MFN2: variants seen among roughly 807,000 people sequenced by gnomAD.
MFN2 encodes mitofusin 2.
A neutral mutation model predicts 87.5 loss-of-function variants in MFN2; 43 were observed. The observed-to-expected ratio is 0.49, with a 90% CI of 0.38 to 0.63. The LOEUF (loss-of-function observed/expected upper bound fraction) is 0.63. Ranked by LOEUF, MFN2 falls within the 30% of genes least tolerant of loss-of-function variation. MFN2 has a pLI of 0.00. For missense variants in MFN2, 743 were observed against 972.8 expected (o/e 0.76, Z 3.14); for synonymous variants, 337 against 359.9 (o/e 0.94, Z 0.72).
chr1:12,002,002 A>C lies in MFN2; in HGVS notation c.1059A>C (p.Ala353=). 1 of 1,614,152 alleles carries C rather than the reference A, an allele frequency of 6.2e-7. No homozygotes were observed. The highest frequency in any genetic ancestry group is 1.3e-5 in the African/African-American group (1 of 75,028). The change falls in exon 11 of 19, where the codon GCA becomes GCC. Residue 353 remains alanine (A), a synonymous_variant. Coordinates refer to ENST00000235329, the MANE Select transcript of MFN2 (RefSeq NM_014874.4). ...RRFEECISQS[A]VKTKFEQHTV... is the part of the protein sequence containing the mutation. ...TCCAGGAGTGCATCTCCCAGTCTGC[A>C]GTGAAGACCAAGTTTGAGCAGCACA...
At chr1:11,998,177 C>T (rs1470510647) in intron 6 of MFN2, among the ~76,000 whole-genome samples, 2 of 151,800 alleles carry the variant, frequency 1.3e-5, no homozygotes, top group African/African-American at 4.8e-5. Context: ...CCACTGTGCC[C>T]CGCCTGGTAT....
rs1272706609 is a variant in MFN2, at chr1:12,012,932, C to G, written c.*1367C>G. Reference sequence around the variant, plus strand: ...CAGGGGCCCAGCAGCCCAGCCATCACTCATCTTTGAGGAAATGAGTTGGTA... The same window carrying G: ...CAGGGGCCCAGCAGCCCAGCCATCAGTCATCTTTGAGGAAATGAGTTGGTA... On this transcript the variant is annotated 3_prime_UTR_variant, in exon 19 of 19. Coordinates refer to ENST00000235329, the MANE Select transcript of MFN2 (RefSeq NM_014874.4). 1 of 156,164 alleles carries G rather than the reference C, an allele frequency of 6.4e-6. No individual in the cohort carries two copies. Among genetic ancestry groups the G allele is most frequent in the East Asian group, 1.9e-4 (1 of 5,294 alleles). The allele number at this position is 156,164 out of a possible 1,614,324, so 9.7% of individuals were successfully genotyped here. A position where few individuals can be genotyped will look rare whatever the true frequency, so the allele number is the denominator to read the frequency against.
chr1:11,980,602 A>G (rs987537114), intron 1 of MFN2, 118 bp downstream of exon 1: 1 of 396,354 alleles, frequency 2.5e-6, no homozygotes, highest in Non-Finnish European at 4.4e-6. Context: ...GATGCAGTCA[A>G]GCGGGGTCCC....
At chr1:11,985,591 G>A (rs979585561) in intron 2 of MFN2, among the ~76,000 whole-genome samples, 1 of 151,282 alleles carries the variant, frequency 6.6e-6, no homozygotes. Context: ...CTTGGCCTCT[G>A]GAGTAGCTGG....
rs1639292680 is a variant in MFN2 at position 12,004,001 on chromosome 1, C to T, written c.1170C>T (p.Cys390=). The T allele has an allele frequency of 1.4e-5, 22 of 1,614,056 alleles. No individual in the cohort carries two copies. Among genetic ancestry groups the T allele is most frequent in the East Asian group, 2.2e-5 (1 of 44,900 alleles). Residue 390 remains cysteine (C), a synonymous_variant, in exon 12 of 19, where the codon TGC becomes TGT. Coordinates refer to ENST00000235329, the MANE Select transcript of MFN2 (RefSeq NM_014874.4). This position sits in a 1 kb window ranked among gnomAD's most constrained non-coding sequence, Gnocchi z 4.2. ...HMAAREQQVY[C]EEMREERQDR... is the part of the protein sequence containing the mutation. ...AGTACTCTGCTTTCAGGGTTTACTGCGAGGAAATGCGTGAAGAGCGGCAAG... is the reference window on the plus strand; with the variant it reads ...AGTACTCTGCTTTCAGGGTTTACTGTGAGGAAATGCGTGAAGAGCGGCAAG...
chr1:11,980,565 C>A, intron 1 of MFN2, 81 bp downstream of exon 1: 2 of 397,468 alleles, frequency 5.0e-6, no homozygotes, highest in Non-Finnish European at 4.4e-6. Flanking sequence ...CGTGGGCCGA[C>A]GGGATTCTGG....
At chr1:11,999,184 G>A (rs1639065762) in intron 8 of MFN2, 89 bp downstream of exon 8, 1 of 1,031,768 alleles carries the variant, frequency 9.7e-7, no homozygotes, top group Admixed American at 1.7e-5. Context: ...CCTGGATCTA[G>A]TGACTTCCCT....
rs776404901 is a variant in MFN2, at chr1:11,996,236, A to G, written c.392A>G (p.Asn131Ser). The change falls in exon 5 of 19, where the codon AAT becomes AGT. Residue 131 changes from asparagine to serine, a missense_variant. Transcript: ENST00000235329. ...CCCTCTGGGATTGGCCACACCACCA[A>G]TTGCTTCCTGCGGGTAGAGGGCACA... Reference protein sequence around the residue: ...VLPSGIGHTTNCFLRVEGTDG... With the variant: ...VLPSGIGHTTSCFLRVEGTDG... The G allele has an allele frequency of 1.9e-6, 3 of 1,614,186 alleles. No individual in the cohort carries two copies. Among genetic ancestry groups the G allele is most frequent in the Admixed American group, 1.7e-5 (1 of 60,026 alleles).
In MFN2 at chr1:12,003,948, A is replaced by G. The variant is rs1639290391; in HGVS notation, c.1161-44A>G. The G allele has an allele frequency of 6.2e-7, 1 of 1,613,558 alleles. No individual in the cohort carries two copies. The highest frequency in any genetic ancestry group is 2.2e-5 in the East Asian group (1 of 44,852). On this transcript the variant is annotated intron_variant, in intron 11 of 18. Transcript: ENST00000235329. The surrounding 1 kb of genome is among the most constrained non-coding windows in gnomAD (Gnocchi z 4.1). ...GGCATCCCCTCTTGCTCCTCTGCTT[A>G]GTCAGACAGGAACATGGATTTCTCA...
intron 17 of MFN2, among the ~76,000 whole-genome samples, chr1:12,009,053 A>G (rs966418976): frequency 6.6e-6 from 1 of 152,192 alleles, no homozygotes; most frequent in Non-Finnish European, 1.5e-5. Context: ...TACGAAAACC[A>G]GTCAGGCGTG....
Position 11,999,065 on chromosome 1 carries a change from A to C in MFN2, c.786A>C (p.Ala262=), listed in dbSNP as rs982256728. 4 of 1,614,082 alleles carry C rather than the reference A, an allele frequency of 2.5e-6. No homozygotes were observed. Among genetic ancestry groups the C allele is most frequent in the African/African-American group, 1.3e-5 (1 of 74,912 alleles). ...TCATCCTGAACAACCGCTGGGATGC[A>C]TCTGCCTCAGAGCCCGAGTACATGG... ...NIFILNNRWD[A]SASEPEYMEE... The change falls in exon 8 of 19, where the codon GCA becomes GCC. Residue 262 remains alanine (A), a synonymous_variant. Transcript: ENST00000235329.
At chr1:12,007,290 G>A (rs1457480818) in intron 17 of MFN2, 41 bp downstream of exon 17, 18 of 1,599,066 alleles carry the variant, frequency 1.1e-5, no homozygotes, top group Middle Eastern at 1.7e-4. Flanking sequence ...ACTTCCTTTA[G>A]GCAGGGTCAG....
intron 17 of MFN2, among the ~76,000 whole-genome samples, chr1:12,009,044 A>G (rs1484807665): frequency 6.6e-6 from 1 of 152,212 alleles, no homozygotes. Flanking sequence ...CCAAAAAAAT[A>G]CGAAAACCAG....
At chr1:11,998,050 A>AT (rs1638998167) in intron 6 of MFN2, among the ~76,000 whole-genome samples, 1 of 150,694 alleles carries the variant, frequency 6.6e-6, no homozygotes, top group South Asian at 2.1e-4. Flanking sequence ...TGCCTGGCTA[A>AT]ATTTTGTATT....
intron 17 of MFN2, among the ~76,000 whole-genome samples, chr1:12,009,072 C>T (rs921485651): frequency 2.6e-5 from 4 of 152,222 alleles, no homozygotes; most frequent in African/African-American, 4.8e-5. Flanking sequence ...TGGCGGCGCG[C>T]GCCTGCAGTC....
chr1:11,997,313 C>G lies in MFN2; in HGVS notation c.491C>G (p.Ala164Gly). 6.2e-7 allele frequency: 1 copy of G among 1,614,162 alleles called. No individual in the cohort carries two copies. The highest frequency in any genetic ancestry group is 8.5e-7 in the Non-Finnish European group (1 of 1,180,018). Reference sequence around the variant, plus strand: ...TGCCATCAGACTGTGAACCAGCTGGCCCATGCCCTCCACCAGGACAAGCAG... The same window carrying G: ...TGCCATCAGACTGTGAACCAGCTGGGCCATGCCCTCCACCAGGACAAGCAG... ...KRSAKTVNQL[A>G]HALHQDKQLH... Residue 164 changes from alanine (A) to glycine (G), a missense_variant, in exon 6 of 19, where the codon GCC becomes GGC. This residue lies in a region of MFN2 where 141 missense variants were observed against 278.9 expected (regional missense o/e 0.51). Coordinates refer to ENST00000235329, the MANE Select transcript of MFN2 (RefSeq NM_014874.4).
Position 12,003,844 on chromosome 1 carries a change from G to A in MFN2, c.1161-148G>A. 2 of 1,007,420 alleles carry A rather than the reference G, an allele frequency of 2.0e-6. No homozygotes were observed. Among genetic ancestry groups the A allele is most frequent in the East Asian group, 2.4e-5 (1 of 41,004 alleles). The allele number at this position is 1,007,420 out of a possible 1,614,324, so 62.4% of individuals were successfully genotyped here. Reference sequence around the variant, plus strand: ...GCTGCAGGGTCCTCTTCTTACCTGGGAAGGGGAAGGCCATGCCCCTGGGTG... The same window carrying A: ...GCTGCAGGGTCCTCTTCTTACCTGGAAAGGGGAAGGCCATGCCCCTGGGTG... On this transcript the variant is annotated intron_variant, in intron 11 of 18. Transcript: ENST00000235329. This position sits in a 1 kb window ranked among gnomAD's most constrained non-coding sequence, Gnocchi z 4.1.
chr1:11,999,646 C>T (rs1348086863), intron 8 of MFN2, among the ~76,000 whole-genome samples: 4 of 151,858 alleles, frequency 2.6e-5, no homozygotes, highest in Non-Finnish European at 5.9e-5. Flanking sequence ...GCATGAGCCA[C>T]CACGCCTGGC....
chr1:11,998,662 C>A, intron 6 of MFN2, 108 bp from the exon 7 acceptor site: 1 of 983,742 alleles, frequency 1.0e-6, no homozygotes, highest in Non-Finnish European at 1.6e-6. Context: ...CCGTCCCTGG[C>A]TTTCTCCTCC....
Sources: gnomAD v4.1 joint callset for allele counts (sites outside exome capture counted in the v4.1 genomes callset) on GRCh38, gnomAD v4.1.1 for gene constraint, gnomAD v4.1.1 regional missense constraint, Gnocchi (gnomAD v3.1) non-coding constraint, MANE v1.5 for transcripts, NCBI Gene and HGNC (gene_info 2026-07-23, HGNC 2026-07-21) for gene names.